TRMO: variants seen among roughly 807,000 people sequenced by gnomAD.
TRMO encodes the protein tRNA (adenine(37)-N6)-methyltransferase.
TRMO carries 30 observed loss-of-function variants against 37.2 expected under a neutral mutation model. That is an observed-to-expected ratio of 0.81 (90% CI 0.60 to 1.09). The LOEUF (loss-of-function observed/expected upper bound fraction) is 1.09, where lower values mean the gene tolerates loss of function less well. Among genes scored for constraint, TRMO ranks in the 50% least tolerant of loss-of-function variants. The pLI, the probability that TRMO is intolerant of heterozygous loss-of-function variation, is 0.00. For missense variants in TRMO, 552 were observed against 549.5 expected (o/e 1.00, Z -0.05); for synonymous variants, 239 against 199.4 (o/e 1.20, Z -1.67).
chr9:97,901,608 C>A (rs1035547404), downstream of TRMO, among the ~76,000 whole-genome samples: 2 of 151,918 alleles, frequency 1.3e-5, no homozygotes, highest in African/African-American at 4.8e-5. Context: ...AACTTCAATT[C>A]CGGACATAAA....
chr9:97,910,760 C>A, intron 3 of TRMO, 144 bp from the exon 4 acceptor site: 1 of 910,694 alleles, frequency 1.1e-6, no homozygotes. Context: ...CCAACACACA[C>A]CCTTCTTGCT....
intron 1 of TRMO, among the ~76,000 whole-genome samples, chr9:97,920,199 T>G (rs189486933): frequency 6.6e-6 from 1 of 152,308 alleles, no homozygotes; most frequent in African/African-American, 2.4e-5. Flanking sequence ...ATGAACCAGT[T>G]CTCGTCCTCA....
At chr9:97,919,889 G>C (rs1212182963) in intron 1 of TRMO, among the ~76,000 whole-genome samples, 2 of 152,154 alleles carry the variant, frequency 1.3e-5, no homozygotes, top group Non-Finnish European at 2.9e-5. Context: ...GAGCTACTTT[G>C]AAAGAGTTCT....
Position 97,910,580 on chromosome 9 carries a change from T to C in TRMO, c.446A>G (p.His149Arg), listed in dbSNP as rs200779838. The C allele has an allele frequency of 2.7e-5, 43 of 1,613,994 alleles. No homozygotes were observed. Among genetic ancestry groups the C allele is most frequent in the Non-Finnish European group, 3.3e-5 (39 of 1,179,984 alleles). The change falls in exon 4 of 5, where the codon CAT becomes CGT. Residue 149 changes from histidine (H) to arginine (R), a missense_variant. By Grantham distance (29) the His-to-Arg change is conservative. Transcript: ENST00000375119. ...AIYLSGIDMI[H>R]GTPVLDIKPY... ...CTTGATGTCTAGTACGGGTGTGCCA[T>C]GTATCATGTCAATTCCAGAAAGGTA...
rs139234146 is a variant in TRMO, at chr9:97,922,449, C to A, written c.45G>T (p.Pro15=). ...CCAGAGCCGGCTTAACGCAGCCGCA[C>A]GGGGTCGCTGTAGGCCGAGGCCCCG... ...EESGPRPTAT[P]CGCVKPALET... The change falls in exon 1 of 5, where the codon CCG becomes CCT. Residue 15 remains proline, a synonymous_variant. Transcript: ENST00000375119. The A allele has an allele frequency of 1.3e-4, 199 of 1,588,178 alleles. No individual in the cohort carries two copies. The African/African-American group carries it at 2.1e-3, about 17-fold the overall frequency.
intron 1 of TRMO, among the ~76,000 whole-genome samples, chr9:97,916,799 G>A (rs373664778): frequency 8.1e-5 from 12 of 147,870 alleles, no homozygotes; most frequent in African/African-American, 3.0e-4. Flanking sequence ...TCTGCTTCCC[G>A]GGTTCAAGCA....
chr9:97,921,099 C>G (rs756361563), intron 1 of TRMO, among the ~76,000 whole-genome samples: 8 of 152,210 alleles, frequency 5.3e-5, no homozygotes, highest in Non-Finnish European at 1.0e-4. Flanking sequence ...TAAATAAGCA[C>G]ATTTGGCCAG....
the TRMO span, among the ~76,000 whole-genome samples, chr9:97,897,825 T>C: frequency 2.0e-5 from 3 of 152,218 alleles, no homozygotes; most frequent in East Asian, 1.9e-4. Context: ...GAAGATAACA[T>C]TGTATTACTG....
At chr9:97,897,022 T>C in the TRMO span, among the ~76,000 whole-genome samples, 1 of 152,230 alleles carries the variant, frequency 6.6e-6, no homozygotes, top group African/African-American at 2.4e-5. Context: ...TAGCATATTT[T>C]TGTTTATGCT....
intron 3 of TRMO, chr9:97,911,051 T>C (rs771780173): frequency 4.6e-6 from 2 of 433,684 alleles, no homozygotes; most frequent in East Asian, 1.4e-4. Flanking sequence ...TCCAGGGATA[T>C]AGTAGTCCTC....
downstream of TRMO, among the ~76,000 whole-genome samples, chr9:97,899,874 CAGAG>C (rs1473341914): frequency 9.2e-5 from 14 of 151,612 alleles, no homozygotes; most frequent in Non-Finnish European, 1.9e-4. Flanking sequence ...GCCTGGGTAA[CAGAG>C]AGAGACTCTG....
intron 2 of TRMO, chr9:97,915,681 C>A (rs1463280813): frequency 6.6e-6 from 1 of 152,244 alleles, no homozygotes; most frequent in African/African-American, 2.4e-5. Flanking sequence ...TACAAAATTC[C>A]ATACAACAGG....
the TRMO span, among the ~76,000 whole-genome samples, chr9:97,897,224 T>C: frequency 6.6e-6 from 1 of 152,254 alleles, no homozygotes; most frequent in Non-Finnish European, 1.5e-5. Flanking sequence ...AAATGTAACC[T>C]TTCTGTATGT....
chr9:97,919,937 CA>C (rs1826548467), intron 1 of TRMO, among the ~76,000 whole-genome samples: 1 of 152,186 alleles, frequency 6.6e-6, no homozygotes, highest in South Asian at 2.1e-4. Flanking sequence ...GGACCACTCT[CA>C]AAATACCAAA....
At chr9:97,919,980 G>C (rs1404136801) in intron 1 of TRMO, among the ~76,000 whole-genome samples, 1 of 152,112 alleles carries the variant, frequency 6.6e-6, no homozygotes, top group Non-Finnish European at 1.5e-5. Context: ...GAACTCTTCT[G>C]GGACATATTT....
intron 4 of TRMO, among the ~76,000 whole-genome samples, chr9:97,907,921 C>A (rs746313055): frequency 1.4e-4 from 22 of 152,276 alleles, no homozygotes; most frequent in Middle Eastern, 6.8e-3. Context: ...TGGCTCATGT[C>A]TTCACCTCTT....
chr9:97,910,604 T>C lies in TRMO; in HGVS notation c.422A>G (p.Tyr141Cys). Residue 141 changes from tyrosine to cysteine, a missense_variant, in exon 4 of 5, where the codon TAC (tyrosine) becomes TGC (cysteine). Transcript: ENST00000375119. ...ATGTATCATGTCAATTCCAGAAAGG[T>C]ATATAGCTCCACCTATGACATAAAA... ...KLEKVEGGAIYLSGIDMIHGT... is the reference protein window; with the variant it reads ...KLEKVEGGAICLSGIDMIHGT... The C allele has an allele frequency of 6.2e-7, 1 of 1,613,688 alleles. No individual in the cohort carries two copies. The highest frequency in any genetic ancestry group is 8.5e-7 in the Non-Finnish European group (1 of 1,179,836).
chr9:97,899,429 C>CATATTTATTTATTTAT, the TRMO span, among the ~76,000 whole-genome samples: 584 of 105,598 alleles, frequency 5.5e-3, 1 homozygote, highest in Non-Finnish European at 6.9e-3. Flanking sequence ...TTTTTATGTA[C>CATATTTATTTATTTAT]GTATTTATTT....
chr9:97,918,224 T>C (rs2131539444), intron 1 of TRMO, among the ~76,000 whole-genome samples: 1 of 145,956 alleles, frequency 6.9e-6, no homozygotes, highest in Middle Eastern at 3.5e-3. Flanking sequence ...CTACTAGAAG[T>C]ACAAAAAAAA....
Sources: gnomAD v4.1 joint callset for allele counts (sites outside exome capture counted in the v4.1 genomes callset) on GRCh38, gnomAD v4.1.1 for gene constraint, MANE v1.5 for transcripts, NCBI Gene and HGNC (gene_info 2026-07-23, HGNC 2026-07-21) for gene names.